Variants in DMD observed in about 807,000 individuals in gnomAD.
DMD encodes the protein mutant dystrophin.
DMD carries 63 observed loss-of-function variants against 330.1 expected under a neutral mutation model. That is an observed-to-expected ratio of 0.19 (90% CI 0.16 to 0.24). DMD has a LOEUF of 0.24. Ranked by LOEUF, DMD falls within the 10% of genes least tolerant of loss-of-function variation. DMD has a pLI of 1.00. For synonymous variants in DMD, 1,223 were observed against 959.8 expected (o/e 1.27, Z -5.07); for missense variants, 3,344 against 2,684.1 (o/e 1.25, Z -5.43).
At chrX:31,247,386 G>C (rs2048931720) in intron 63 of DMD, among the ~76,000 whole-genome samples, 1 of 110,665 alleles carries the variant, frequency 9.0e-6, no homozygotes, top group African/African-American at 3.3e-5. Context: ...TGGATCATGA[G>C]GTCAGGAGTT....
chrX:32,787,243 T>TGAGA lies in DMD; in HGVS notation c.649+22249_649+22250insTCTC, dbSNP rs1413437004. Among the ~76,000 whole-genome samples the TGAGA allele has an allele frequency of 4.3e-5, 4 of 93,584 alleles. No individual in the cohort carries two copies. In the East Asian group the frequency reaches 9.2e-4, roughly 21 times the overall value. The allele number at this position is 93,584 out of a possible 115,157, so 81.3% of individuals were successfully genotyped here. On this transcript the variant is annotated intron_variant, in intron 7 of 78. Coordinates refer to ENST00000357033, the MANE Select transcript of DMD (RefSeq NM_004006.3). ...GTGTGTGTGTGTGTGTGTGTGTGTG[T>TGAGA]GTGTGAGAGAGAGAGAGAGAGAGAG...
At chrX:33,072,700 C>T (rs778657606) in intron 1 of DMD, among the ~76,000 whole-genome samples, 24 of 111,461 alleles carry the variant, frequency 2.2e-4, no homozygotes, top group African/African-American at 7.5e-4. Flanking sequence ...GGCTACGGAG[C>T]AGCTCGGTGA....
intron 37 of DMD, among the ~76,000 whole-genome samples, chrX:32,351,050 GATGA>G (rs1439671900): frequency 9.0e-6 from 1 of 111,047 alleles, no homozygotes; most frequent in African/African-American, 3.3e-5. Flanking sequence ...ATGGAGATAA[GATGA>G]ATATCTACCT....
intron 7 of DMD, among the ~76,000 whole-genome samples, chrX:32,703,558 T>C (rs954367611): frequency 1.8e-5 from 2 of 111,640 alleles, no homozygotes; most frequent in African/African-American, 6.5e-5. Context: ...TATGAGTATA[T>C]AGCAGATGAG....
chrX:32,378,692 T>A (rs1365288222), intron 34 of DMD, among the ~76,000 whole-genome samples: 1 of 111,080 alleles, frequency 9.0e-6, no homozygotes, highest in East Asian at 2.8e-4. Flanking sequence ...AAATTGACTC[T>A]AGATATTCAA....
intron 48 of DMD, among the ~76,000 whole-genome samples, chrX:31,842,522 A>T (rs2093337187): frequency 9.0e-6 from 1 of 111,533 alleles, no homozygotes; most frequent in African/African-American, 3.3e-5. Context: ...AAAAAAATCA[A>T]CCAACATAGC....
chrX:31,758,217 G>C, intron 51 of DMD, among the ~76,000 whole-genome samples: 1 of 107,335 alleles, frequency 9.3e-6, no homozygotes, highest in East Asian at 3.1e-4. Flanking sequence ...CCATAATAGT[G>C]TGCATATTTT....
At chrX:31,851,487 T>C (rs2093525085) in intron 48 of DMD, among the ~76,000 whole-genome samples, 1 of 111,852 alleles carries the variant, frequency 8.9e-6, no homozygotes, top group Admixed American at 9.5e-5. Context: ...CAGAAGCCTC[T>C]ATGGAAGCTC....
intron 19 of DMD, among the ~76,000 whole-genome samples, chrX:32,495,761 A>T (rs185875238): frequency 1.5e-3 from 166 of 109,340 alleles, no homozygotes; most frequent in African/African-American, 5.4e-3. Context: ...CCTTGACTCA[A>T]TGGAAAATTT....
chrX:31,131,906 C>T (rs963361115), intron 77 of DMD, among the ~76,000 whole-genome samples: 1 of 111,856 alleles, frequency 8.9e-6, no homozygotes, highest in East Asian at 2.8e-4. Context: ...AGTAGCAAAA[C>T]GTGAGGAAAT....
intron 54 of DMD, among the ~76,000 whole-genome samples, chrX:31,645,366 T>TCTAG (rs1212382634): frequency 2.7e-5 from 3 of 112,161 alleles, no homozygotes; most frequent in Non-Finnish European, 5.6e-5. Flanking sequence ...TCTCTCTGTC[T>TCTAG]CTAGCTAGCT....
intron 7 of DMD, among the ~76,000 whole-genome samples, chrX:32,804,692 G>A (rs1218309834): frequency 8.9e-6 from 1 of 112,361 alleles, no homozygotes; most frequent in East Asian, 2.8e-4. Context: ...ATGCCTCCCA[G>A]CAGGGGTCGA....
intron 18 of DMD, among the ~76,000 whole-genome samples, chrX:32,502,137 A>T (rs1454223530): frequency 1.8e-5 from 2 of 111,907 alleles, no homozygotes; most frequent in Non-Finnish European, 3.8e-5. Context: ...GTAAAAAGGC[A>T]ATTCATAACA....
chrX:31,701,197 TC>T (rs890191135), intron 52 of DMD, among the ~76,000 whole-genome samples: 3 of 111,905 alleles, frequency 2.7e-5, no homozygotes, highest in Non-Finnish European at 5.6e-5. Flanking sequence ...CATTTTTTTC[TC>T]CCTTAGCACA....
At chrX:32,267,393 G>T (rs762523686) in intron 43 of DMD, among the ~76,000 whole-genome samples, 5 of 112,175 alleles carry the variant, frequency 4.5e-5, no homozygotes, top group African/African-American at 1.6e-4. Flanking sequence ...GAGGCAAAAT[G>T]AACTAATGAG....
intron 20 of DMD, among the ~76,000 whole-genome samples, chrX:32,485,497 A>T (rs893118576): frequency 1.8e-5 from 2 of 110,375 alleles, no homozygotes; most frequent in African/African-American, 6.6e-5. Context: ...TCAATGAACA[A>T]TATTTTCTCT....
intron 21 of DMD, among the ~76,000 whole-genome samples, chrX:32,474,198 C>A (rs1465676199): frequency 2.3e-5 from 1 of 42,973 alleles, no homozygotes; most frequent in South Asian, 1.8e-3. Context: ...ATCATATATA[C>A]ATACATACAT....
At chrX:32,985,238 TATAG>T (rs2092812933) in intron 2 of DMD, among the ~76,000 whole-genome samples, 1 of 110,780 alleles carries the variant, frequency 9.0e-6, no homozygotes, top group African/African-American at 3.2e-5. Context: ...AGCTATAGAA[TATAG>T]ATATTTTAAT....
At chrX:31,197,994 A>G (rs1489464275) in intron 67 of DMD, among the ~76,000 whole-genome samples, 1 of 99,984 alleles carries the variant, frequency 1.0e-5, no homozygotes, top group African/African-American at 3.6e-5. Context: ...AAAGACAAGT[A>G]TCCCATGTTC....
Sources: gnomAD v4.1 joint callset for allele counts (sites outside exome capture counted in the v4.1 genomes callset) on GRCh38, gnomAD v4.1.1 for gene constraint, MANE v1.5 for transcripts, NCBI Gene and HGNC (gene_info 2026-07-23, HGNC 2026-07-21) for gene names.